Variants in SLC4A5 observed in about 807,000 individuals in gnomAD.
SLC4A5 encodes electrogenic sodium bicarbonate cotransporter 4.
Under a neutral mutation model 120.4 loss-of-function variants are expected in SLC4A5, and 96 were observed. That is an observed-to-expected ratio of 0.80 (90% CI 0.68 to 0.94). The LOEUF (loss-of-function observed/expected upper bound fraction) is 0.94. Ranked by LOEUF, SLC4A5 falls within the 40% of genes least tolerant of loss-of-function variation. The pLI, the probability that SLC4A5 is intolerant of heterozygous loss-of-function variation, is 0.00. For missense variants in SLC4A5, 1,259 were observed against 1,459.5 expected, an observed-to-expected ratio of 0.86 and a Z score of 2.24; for synonymous variants, 550 against 571.1, an observed-to-expected ratio of 0.96 and a Z score of 0.53.
exon 18 of SLC4A5, chr2:74,248,428 G>A (rs1250753682): frequency 2.5e-6 from 4 of 1,614,158 alleles, no homozygotes; most frequent in South Asian, 2.2e-5. Flanking sequence ...AGGCTGTCCC[G>A]AGAAGAGGCA....
intron 8 of SLC4A5, among the ~76,000 whole-genome samples, chr2:74,267,301 C>T (rs900809142): frequency 3.3e-5 from 5 of 152,040 alleles, no homozygotes; most frequent in Admixed American, 2.0e-4. Context: ...TTCTAGGAAA[C>T]GATCACAGGA....
chr2:74,311,112 T>C (rs1672792868), intron 6 of SLC4A5, among the ~76,000 whole-genome samples: 1 of 152,178 alleles, frequency 6.6e-6, no homozygotes, highest in Admixed American at 6.5e-5. Context: ...CTCATAATAT[T>C]CCTTTATTAT....
intron 5 of SLC4A5, among the ~76,000 whole-genome samples, chr2:74,320,131 A>G (rs942023398): frequency 6.6e-6 from 1 of 152,178 alleles, no homozygotes; most frequent in African/African-American, 2.4e-5. Context: ...AACAAATACT[A>G]TGACAAAACA....
intron 8 of SLC4A5, among the ~76,000 whole-genome samples, chr2:74,278,945 C>G (rs905740311): frequency 1.3e-5 from 2 of 152,202 alleles, no homozygotes; most frequent in Admixed American, 1.3e-4. Flanking sequence ...TTTTCCACCC[C>G]ACCTGTCTCC....
chr2:74,305,159 C>T (rs1672604236), intron 6 of SLC4A5, among the ~76,000 whole-genome samples: 1 of 152,166 alleles, frequency 6.6e-6, no homozygotes, highest in African/African-American at 2.4e-5. Flanking sequence ...ACAAAGCTGG[C>T]TTTGTAAACT....
chr2:74,291,104 G>C (rs899959595), intron 7 of SLC4A5, among the ~76,000 whole-genome samples: 3 of 152,128 alleles, frequency 2.0e-5, no homozygotes, highest in Admixed American at 1.3e-4. Flanking sequence ...TATGTAGCTG[G>C]TTTCTTTCCT....
intron 4 of SLC4A5, among the ~76,000 whole-genome samples, chr2:74,330,805 G>A (rs1164519011): frequency 7.1e-6 from 1 of 140,668 alleles, no homozygotes; most frequent in Non-Finnish European, 1.5e-5. Flanking sequence ...AGGCAGTGAG[G>A]TCTAGATGGA....
chr2:74,284,850 C>G (rs981146797), intron 8 of SLC4A5, among the ~76,000 whole-genome samples: 2 of 152,152 alleles, frequency 1.3e-5, no homozygotes, highest in Non-Finnish European at 2.9e-5. Flanking sequence ...CTGCTCCACA[C>G]GCTTTTCTCC....
chr2:74,219,268 A>G (rs534411996), intron 30 of SLC4A5, among the ~76,000 whole-genome samples: 1 of 147,478 alleles, frequency 6.8e-6, no homozygotes, highest in Admixed American at 6.8e-5. Flanking sequence ...CACTGCCTGA[A>G]ATGCCTTTTC....
intron 2 of SLC4A5, among the ~76,000 whole-genome samples, chr2:74,341,092 G>T (rs931634248): frequency 3.3e-5 from 5 of 152,094 alleles, no homozygotes; most frequent in African/African-American, 1.2e-4. Flanking sequence ...ATCGCCTGAG[G>T]TCAGGAGTTC....
chr2:74,227,732 T>C, intron 26 of SLC4A5, 78 bp downstream of exon 26: 3 of 1,349,030 alleles, frequency 2.2e-6, no homozygotes, highest in Admixed American at 4.6e-5. Flanking sequence ...GACAACTGAA[T>C]TGGGGGTCTT....
intron 5 of SLC4A5, among the ~76,000 whole-genome samples, chr2:74,326,454 T>C (rs1356831318): frequency 6.6e-6 from 1 of 152,196 alleles, no homozygotes; most frequent in Non-Finnish European, 1.5e-5. Context: ...AAAGTCACTT[T>C]CCATTTCATT....
intron 27 of SLC4A5, 130 bp downstream of exon 27, chr2:74,226,827 C>T (rs1271834455): frequency 9.3e-7 from 1 of 1,070,240 alleles, no homozygotes; most frequent in Non-Finnish European, 1.4e-6. Context: ...GTGCCAGCCT[C>T]CGTGACCCGA....
intron 24 of SLC4A5, among the ~76,000 whole-genome samples, chr2:74,231,916 C>A (rs935488979): frequency 6.6e-6 from 1 of 152,114 alleles, no homozygotes; most frequent in Non-Finnish European, 1.5e-5. Context: ...TAGGAGAAAG[C>A]CAGGGTTTGG....
intron 3 of SLC4A5, among the ~76,000 whole-genome samples, chr2:74,336,664 A>T (rs531633860): frequency 4.6e-5 from 7 of 152,226 alleles, no homozygotes; most frequent in Non-Finnish European, 5.9e-5. Context: ...CACACAGCTG[A>T]TAACTGGCTG....
rs763979537 is a variant in SLC4A5, at chr2:74,250,716, T to C, written c.1479-199A>G. The C allele has an allele frequency of 1.0e-5, 6 of 594,532 alleles. No homozygotes were observed. In the East Asian group the frequency reaches 1.2e-4, roughly 12 times the overall value. The allele number at this position is 594,532 out of a possible 1,614,324, so 36.8% of individuals were successfully genotyped here. On this transcript the variant is annotated intron_variant, in intron 16 of 30. Transcript: ENST00000394019. Reference sequence around the variant, plus strand: ...GAGTTTGTGGTTGGCACCACCCACATTGGGAAGGGTGGACATAGAGGGTTT... The same window carrying C: ...GAGTTTGTGGTTGGCACCACCCACACTGGGAAGGGTGGACATAGAGGGTTT...
intron 6 of SLC4A5, 123 bp downstream of exon 6, chr2:74,314,822 G>A: frequency 2.4e-6 from 2 of 849,074 alleles, no homozygotes; most frequent in South Asian, 2.9e-5. Flanking sequence ...AGGAGACACT[G>A]TGGATGAGTC....
chr2:74,243,208 T>C (rs977655990), intron 19 of SLC4A5, among the ~76,000 whole-genome samples: 5 of 152,186 alleles, frequency 3.3e-5, no homozygotes, highest in African/African-American at 1.2e-4. Context: ...AAGGAACCAC[T>C]GTTGCCCGTC....
At chr2:74,314,720 C>T (rs1024924157) in intron 6 of SLC4A5, among the ~76,000 whole-genome samples, 2 of 152,198 alleles carry the variant, frequency 1.3e-5, no homozygotes, top group Non-Finnish European at 2.9e-5. Flanking sequence ...AAGCTATATT[C>T]TAATCCACAT....
Sources: gnomAD v4.1 joint callset for allele counts (sites outside exome capture counted in the v4.1 genomes callset) on GRCh38, gnomAD v4.1.1 for gene constraint, MANE v1.5 for transcripts, NCBI Gene and HGNC (gene_info 2026-07-23, HGNC 2026-07-21) for gene names.